Variants in ANO3 observed in about 807,000 individuals in gnomAD.
ANO3 encodes the protein anoctamin-3.
A neutral mutation model predicts 144.8 loss-of-function variants in ANO3; 99 were observed. The ratio of observed to expected loss-of-function variants is 0.68; its 90% CI spans 0.58 to 0.81. The LOEUF is 0.81. ANO3 is among the 30% of genes least tolerant of loss of function. The pLI is 0.00. For missense variants in ANO3, 905 were observed against 1,202.2 expected, an observed-to-expected ratio of 0.75 and a Z score of 3.66; for synonymous variants, 414 against 392.6, an observed-to-expected ratio of 1.05 and a Z score of -0.64.
chr11:26,579,968 A>G (rs1851086885), intron 14 of ANO3, among the ~76,000 whole-genome samples: 1 of 152,112 alleles, frequency 6.6e-6, no homozygotes, highest in Non-Finnish European at 1.5e-5. Context: ...TTTCTAATGC[A>G]TTATAGCCAT....
chr11:26,525,696 T>A lies in ANO3; in HGVS notation c.737+17T>A. 1 of 1,598,472 alleles carries A rather than the reference T, an allele frequency of 6.3e-7. No homozygotes were observed. The highest frequency in any genetic ancestry group is 1.1e-5 in the South Asian group (1 of 88,126). On this transcript the variant is annotated intron_variant, in intron 7 of 26. Coordinates refer to ENST00000256737, the MANE Select transcript of ANO3 (RefSeq NM_031418.4). Reference sequence around the variant, plus strand: ...AATGGGCAGGTTGGTGGGTGATGAATCATTTCTTTATAACAAATTTGTCGT... The same window carrying A: ...AATGGGCAGGTTGGTGGGTGATGAAACATTTCTTTATAACAAATTTGTCGT...
chr11:26,362,723 A>C (rs746283801), intron 1 of ANO3, among the ~76,000 whole-genome samples: 22 of 152,320 alleles, frequency 1.4e-4, no homozygotes, highest in Non-Finnish European at 2.9e-4. Context: ...TCCACTAAAC[A>C]AATATTATGT....
chr11:26,636,582 C>T (rs1339973812), intron 20 of ANO3, among the ~76,000 whole-genome samples: 2 of 152,038 alleles, frequency 1.3e-5, no homozygotes, highest in Admixed American at 1.3e-4. Context: ...GAAACAAAGT[C>T]ACAGATGTGC....
chr11:26,217,140 C>T (rs887203007), intron 1 of ANO3, among the ~76,000 whole-genome samples: 6 of 151,968 alleles, frequency 3.9e-5, no homozygotes, highest in Non-Finnish European at 7.4e-5. Context: ...TTGATCACCA[C>T]GTGATCATAT....
intron 1 of ANO3, among the ~76,000 whole-genome samples, chr11:26,364,255 C>T (rs896631977): frequency 6.6e-6 from 1 of 152,100 alleles, no homozygotes; most frequent in Admixed American, 6.6e-5. Context: ...CTGCATATCT[C>T]GTCTCTGTTT....
At chr11:26,631,893 A>G (rs566619825) in intron 18 of ANO3, among the ~76,000 whole-genome samples, 2 of 152,262 alleles carry the variant, frequency 1.3e-5, no homozygotes, top group South Asian at 4.1e-4. Flanking sequence ...TATATACAGT[A>G]TTTAGACCGG....
At chr11:26,192,011 C>T (rs1241754493) in intron 1 of ANO3, among the ~76,000 whole-genome samples, 1 of 152,004 alleles carries the variant, frequency 6.6e-6, no homozygotes, top group Non-Finnish European at 1.5e-5. Context: ...AAATAAATAA[C>T]CAAATAACAC....
In ANO3 at chr11:26,332,170, T is replaced by C. The variant is rs1855064993; in HGVS notation, c.-106T>C. 2.5e-6 allele frequency: 4 copies of C among 1,601,020 alleles called. No homozygotes were observed. The highest frequency in any genetic ancestry group is 2.7e-5 in the African/African-American group (2 of 74,586). On this transcript the variant is annotated 5_prime_UTR_variant, in exon 1 of 27. Transcript: ENST00000256737. The stretch of plus-strand genomic sequence containing the variant: ...GGCTACAGCAGGTGTCGGATTGCAG[T>C]GCGCTCGCTGAGGCTCCGGACCTTG...
chr11:26,328,358 G>A (rs11826224), upstream of ANO3, among the ~76,000 whole-genome samples: 5,835 of 152,196 alleles, frequency 0.038, 396 homozygotes, highest in African/African-American at 0.13. Flanking sequence ...AATATACGGA[G>A]AGAAACTAGA....
chr11:26,524,527 T>C (rs1049824110), intron 6 of ANO3, among the ~76,000 whole-genome samples: 14 of 152,144 alleles, frequency 9.2e-5, no homozygotes, highest in African/African-American at 3.4e-4. Context: ...TACCACAGCA[T>C]AGAGGAGCTT....
intron 20 of ANO3, among the ~76,000 whole-genome samples, chr11:26,635,307 C>T (rs1404910426): frequency 1.3e-5 from 2 of 152,082 alleles, no homozygotes; most frequent in South Asian, 2.1e-4. Flanking sequence ...CTTTTATTTA[C>T]AGACCCCAGG....
At chr11:26,247,397 G>A (rs1043180042) in intron 1 of ANO3, among the ~76,000 whole-genome samples, 22 of 152,102 alleles carry the variant, frequency 1.4e-4, no homozygotes, top group African/African-American at 5.1e-4. Context: ...GTATGTACAT[G>A]AATCTATTTC....
chr11:26,454,011 A>T (rs144101924), intron 3 of ANO3, among the ~76,000 whole-genome samples: 3,479 of 152,298 alleles, frequency 0.023, 67 homozygotes, highest in Non-Finnish European at 0.033. Context: ...AGAAATAAAG[A>T]TGTTCTTTGA....
At chr11:26,584,629 T>C (rs576187652) in intron 14 of ANO3, among the ~76,000 whole-genome samples, 19 of 152,252 alleles carry the variant, frequency 1.2e-4, no homozygotes, top group African/African-American at 4.3e-4. Context: ...CTAAAAAAAC[T>C]TCAAGTGTAG....
chr11:26,326,739 C>T (rs1854893959), intron 1 of ANO3, among the ~76,000 whole-genome samples: 1 of 152,128 alleles, frequency 6.6e-6, no homozygotes, highest in Non-Finnish European at 1.5e-5. Context: ...CAAAAATACA[C>T]AGGCCTAGAC....
At chr11:26,336,209 G>C (rs1855188654) in intron 1 of ANO3, among the ~76,000 whole-genome samples, 2 of 152,150 alleles carry the variant, frequency 1.3e-5, no homozygotes, top group Admixed American at 1.3e-4. Context: ...TGTCATACAA[G>C]GGTGGGCAAG....
intron 1 of ANO3, among the ~76,000 whole-genome samples, chr11:26,418,001 GT>G (rs1182841207): frequency 1.3e-5 from 2 of 152,014 alleles, no homozygotes; most frequent in African/African-American, 4.8e-5. Flanking sequence ...AGTATGTTCT[GT>G]TTTCTTCTAG....
rs753246415 is a variant in ANO3 at position 26,634,311 on chromosome 11, G to T, written c.1981G>T (p.Gly661Ter). ...SSIFYIAFFL[G>*]RFVGHPGKYN... The stretch of plus-strand genomic sequence containing the variant: ...CATCTTCTATATCGCTTTCTTTTTG[G>T]GAAGGTAAGTCAACTTTTTGTACAT... Residue 661 changes from glycine (G) to a stop codon, truncating the protein, a stop_gained, in exon 19 of 27, where the codon GGA (glycine) becomes TGA (stop). Coordinates refer to ENST00000256737, the MANE Select transcript of ANO3 (RefSeq NM_031418.4). LOFTEE classifies it high-confidence loss of function. The T allele has an allele frequency of 6.2e-7, 1 of 1,601,818 alleles. No individual in the cohort carries two copies. The highest frequency in any genetic ancestry group is 1.3e-5 in the African/African-American group (1 of 74,586).
At chr11:26,443,082 C>A (rs891961498) in intron 2 of ANO3, among the ~76,000 whole-genome samples, 2 of 151,660 alleles carry the variant, frequency 1.3e-5, no homozygotes, top group Admixed American at 6.6e-5. Context: ...ATTTTTCAAT[C>A]CTTTTGTTGC....
Sources: allele counts gnomAD v4.1 joint callset (sites outside exome capture counted in the v4.1 genomes callset), GRCh38; gene constraint gnomAD v4.1.1; transcripts MANE v1.5; gene names NCBI Gene and HGNC (gene_info 2026-07-23, HGNC 2026-07-21).